The following TRRAP variants were observed in gnomAD, a reference collection of about 807,000 sequenced individuals.
TRRAP encodes transformation/transcription domain associated protein.
A neutral mutation model predicts 438.8 loss-of-function variants in TRRAP; 41 were observed. The observed-to-expected ratio is 0.09, with a 90% confidence interval of 0.07 to 0.12. The LOEUF (loss-of-function observed/expected upper bound fraction) is 0.12, where lower values mean the gene tolerates loss of function less well. TRRAP is among the 10% of genes least tolerant of loss of function. The pLI, the probability that TRRAP is intolerant of heterozygous loss-of-function variation, is 1.00. For synonymous variants in TRRAP, 1,994 were observed against 1,962.9 expected (o/e 1.02, Z -0.42); for missense variants, 3,122 against 5,055.1 (o/e 0.62, Z 11.60).
At chr7:98,888,088 G>C (rs1242677743) in intron 3 of TRRAP, among the ~76,000 whole-genome samples, 2 of 152,072 alleles carry the variant, frequency 1.3e-5, no homozygotes, top group African/African-American at 4.8e-5. Flanking sequence ...AAATTAGCCG[G>C]GCCTGGTGGC....
At position 98,990,508 on chromosome 7, in the gene TRRAP, C is replaced by T. The variant is rs372551021; in HGVS notation, c.9645C>T (p.Val3215=). 48 of 1,614,054 alleles carry T rather than the reference C, an allele frequency of 3.0e-5. No individual in the cohort carries two copies. The highest frequency in any genetic ancestry group is 1.2e-4 in the Admixed American group (7 of 60,016). ...DDDKNTLADA[V]DKYCIGVPPI... ...ACAAAAACACTTTGGCAGATGCCGT[C>T]GACAAGTACTGCATTGGTGTGCCAC... The change falls in exon 64 of 73, where the codon GTC becomes GTT. Residue 3215 remains valine (V), a synonymous_variant. Coordinates refer to ENST00000456197, the MANE Select transcript of TRRAP (RefSeq NM_001375524.1).
intron 30 of TRRAP, 25 bp from the exon 31 acceptor site, chr7:98,942,924 G>A: frequency 6.2e-7 from 1 of 1,613,976 alleles, no homozygotes; most frequent in Non-Finnish European, 8.5e-7. Flanking sequence ...GTGAAGTTGT[G>A]TCTCAGGATG....
intron 7 of TRRAP, 61 bp from the exon 8 acceptor site, chr7:98,897,680 T>G: frequency 6.6e-7 from 1 of 1,523,496 alleles, no homozygotes. Context: ...TGTTTTGTTT[T>G]GTTTTTGAAT....
At chr7:98,998,980 G>A in intron 67 of TRRAP, 1 of 620,908 alleles carries the variant, frequency 1.6e-6, no homozygotes, top group Non-Finnish European at 2.9e-6. Context: ...GGTACAGCCA[G>A]GCCCTGCAGG....
chr7:98,912,245 G>C (rs1789306246), intron 18 of TRRAP, 32 bp downstream of exon 18: 1 of 1,599,982 alleles, frequency 6.3e-7, no homozygotes, highest in Non-Finnish European at 8.5e-7. Context: ...TAGTGCTTCT[G>C]TTCAGGGTTT....
chr7:98,965,954 A>T, intron 49 of TRRAP, 59 bp downstream of exon 49: 2 of 1,583,096 alleles, frequency 1.3e-6, no homozygotes, highest in South Asian at 2.3e-5. Context: ...TTCAAGCCTC[A>T]ACATCTTGGT....
At chr7:98,921,522 C>T (rs1051275946) in intron 20 of TRRAP, among the ~76,000 whole-genome samples, 1 of 152,052 alleles carries the variant, frequency 6.6e-6, no homozygotes. Flanking sequence ...ATTACAACAG[C>T]CTGCCACCAC....
chr7:99,000,960 G>A (rs1028105347), intron 67 of TRRAP, among the ~76,000 whole-genome samples: 2 of 152,198 alleles, frequency 1.3e-5, no homozygotes, highest in African/African-American at 2.4e-5. Flanking sequence ...TCTTTGCCAC[G>A]TTCTTTCTTC....
At position 98,981,771 on chromosome 7, in the gene TRRAP, G is replaced by A. The variant is rs1210141990; in HGVS notation, c.8637G>A (p.Val2879=). The change falls in exon 59 of 73, where the codon GTG becomes GTA. Residue 2879 remains valine (V), a splice_region_variant and synonymous_variant. Transcript: ENST00000456197. The part of the protein sequence containing the change: ...WTAMKEALVQ[V]EVSCPKEMAW... ...GTGTCACGTTCTTTCACTGCCAGGT[G>A]GAAGTGAGCTGTCCGAAGGAGATGG... The A allele has an allele frequency of 6.3e-7, 1 of 1,598,494 alleles. No homozygotes were observed. The highest frequency in any genetic ancestry group is 2.3e-5 in the East Asian group (1 of 43,614).
At chr7:98,955,905 A>T (rs1017542785) in intron 41 of TRRAP, among the ~76,000 whole-genome samples, 1 of 147,378 alleles carries the variant, frequency 6.8e-6, no homozygotes, top group Non-Finnish European at 1.5e-5. Flanking sequence ...GAAGTATACT[A>T]TTGTAATGGG....
Position 98,906,099 on chromosome 7 carries a change from T to C in TRRAP, c.1037-78T>C. 3.6e-6 allele frequency: 5 copies of C among 1,371,160 alleles called. No individual in the cohort carries two copies. In the South Asian group the frequency reaches 6.2e-5, roughly 17 times the overall value. The allele number at this position is 1,371,160 out of a possible 1,614,324, so 84.9% of individuals were successfully genotyped here. On this transcript the variant is annotated intron_variant, in intron 12 of 72. Coordinates refer to ENST00000456197, the MANE Select transcript of TRRAP (RefSeq NM_001375524.1). Reference sequence around the variant, plus strand: ...CATATCAGACTGGCGGGCTGGCTACTTCGAAAGCACTGTAAAGTAATTTAA... The same window carrying C: ...CATATCAGACTGGCGGGCTGGCTACCTCGAAAGCACTGTAAAGTAATTTAA...
At chr7:98,995,211 G>A (rs1793596595) in intron 67 of TRRAP, among the ~76,000 whole-genome samples, 1 of 152,140 alleles carries the variant, frequency 6.6e-6, no homozygotes, top group African/African-American at 2.4e-5. Flanking sequence ...ACCAGTAGGA[G>A]ACAGAGTCCT....
At position 98,887,744 on chromosome 7, in the gene TRRAP, A is replaced by AAC. The variant is rs1554404177; in HGVS notation, c.151-2590_151-2589insCA. On this transcript the variant is annotated intron_variant, in intron 3 of 72. Transcript: ENST00000456197. ...AACTCCGTCTCAAAAAAAAAAAAAAAAAAAAACTGCAATGGTTTTCTTTCC... is the reference window on the plus strand; with the variant it reads ...AACTCCGTCTCAAAAAAAAAAAAAAAACAAAAAACTGCAATGGTTTTCTTTCC... Among the ~76,000 whole-genome samples the AAC allele has an allele frequency of 3.0e-3, 447 of 149,102 alleles. 7 individuals are homozygous for AAC. Among genetic ancestry groups the AAC allele is most frequent in the African/African-American group, 0.011 (422 of 39,338 alleles).
At chr7:98,979,978 T>G (rs907575057) in intron 58 of TRRAP, among the ~76,000 whole-genome samples, 5 of 152,214 alleles carry the variant, frequency 3.3e-5, no homozygotes, top group Admixed American at 3.3e-4. Flanking sequence ...GCCGTTTTTC[T>G]TAGTGTAACT....
rs4593455 is a variant in TRRAP at position 98,911,927 on chromosome 7, G to C, written c.2008-95G>C. The C allele has an allele frequency of 0.014, 15,842 of 1,136,404 alleles. 1,532 individuals carry two copies. In the African/African-American group the frequency reaches 0.21, roughly 15 times the overall value. The allele number at this position is 1,136,404 out of a possible 1,614,324, so 70.4% of individuals were successfully genotyped here. On this transcript the variant is annotated intron_variant, in intron 17 of 72. Coordinates refer to ENST00000456197, the MANE Select transcript of TRRAP (RefSeq NM_001375524.1). The stretch of plus-strand genomic sequence containing the variant: ...TAAATTTCTTGGAATGTGTGATACA[G>C]GCTTGGTTTTATGTTTTTTGAAAGC...
chr7:98,938,908 A>G (rs1486890947), intron 30 of TRRAP, among the ~76,000 whole-genome samples: 4 of 152,250 alleles, frequency 2.6e-5, no homozygotes, highest in African/African-American at 9.6e-5. Context: ...TACAAAATAG[A>G]TAAGTGTGCC....
chr7:98,965,514 G>A (rs1449475438), intron 48 of TRRAP, among the ~76,000 whole-genome samples, 182 bp from the exon 49 acceptor site: 1 of 152,086 alleles, frequency 6.6e-6, no homozygotes, highest in Non-Finnish European at 1.5e-5. Flanking sequence ...CTGCAGAGAG[G>A]GCTACATTTC....
At chr7:98,944,327 G>T (rs1167167847) in intron 31 of TRRAP, among the ~76,000 whole-genome samples, 3 of 151,974 alleles carry the variant, frequency 2.0e-5, no homozygotes, top group Non-Finnish European at 4.4e-5. Context: ...GAATCAAAAA[G>T]ATTTAATATA....
At chr7:98,925,907 T>G (rs945912333) in intron 22 of TRRAP, among the ~76,000 whole-genome samples, 1 of 151,788 alleles carries the variant, frequency 6.6e-6, no homozygotes, top group African/African-American at 2.4e-5. Flanking sequence ...GCAACATGAG[T>G]AAGAGCCAGC....
Sources: gnomAD v4.1 joint callset for allele counts (sites outside exome capture counted in the v4.1 genomes callset) on GRCh38, gnomAD v4.1.1 for gene constraint, MANE v1.5 for transcripts, NCBI Gene and HGNC (gene_info 2026-07-23, HGNC 2026-07-21) for gene names.